SH2D4B: variants seen among roughly 807,000 people sequenced by gnomAD.
SH2D4B encodes SH2 domain containing 4B.
Under a neutral mutation model 61.5 loss-of-function variants are expected in SH2D4B, and 45 were observed. That is an observed-to-expected ratio of 0.73 (90% CI 0.58 to 0.94). The LOEUF (loss-of-function observed/expected upper bound fraction) is 0.94, where lower values mean the gene tolerates loss of function less well. SH2D4B is among the 40% of genes least tolerant of loss of function. The pLI, the probability that SH2D4B is intolerant of heterozygous loss-of-function variation, is 0.00. For missense variants in SH2D4B, 572 were observed against 574.2 expected, an observed-to-expected ratio of 1.00 and a Z score of 0.04; for synonymous variants, 224 against 220.4, an observed-to-expected ratio of 1.02 and a Z score of -0.14.
chr10:80,552,889 T>TTCTCTCTC (rs5786463), intron 1 of SH2D4B, among the ~76,000 whole-genome samples: 3 of 146,864 alleles, frequency 2.0e-5, no homozygotes, highest in African/African-American at 7.9e-5. Flanking sequence ...CTCTCTTTCT[T>TTCTCTCTC]TCTCTCTCTC....
chr10:80,629,153 T>C (rs1291830781), intron 6 of SH2D4B, among the ~76,000 whole-genome samples: 1 of 152,070 alleles, frequency 6.6e-6, no homozygotes, highest in Non-Finnish European at 1.5e-5. Context: ...TAGCATCTGC[T>C]CGGCTTCCAA....
chr10:80,614,961 C>A (rs1032218508), intron 6 of SH2D4B, among the ~76,000 whole-genome samples: 1 of 152,228 alleles, frequency 6.6e-6, no homozygotes, highest in Non-Finnish European at 1.5e-5. Flanking sequence ...TCCTGGGTAG[C>A]CCTCCTGGGA....
intron 3 of SH2D4B, 29 bp downstream of exon 3, chr10:80,571,607 C>T (rs1018217831): frequency 7.5e-6 from 12 of 1,610,112 alleles, no homozygotes; most frequent in African/African-American, 4.0e-5. Flanking sequence ...CCCCTGCGTG[C>T]GGCCACCTAA....
rs1242344830 is a variant in SH2D4B, at chr10:80,564,553, A to G, written c.185-5601A>G. Among the ~76,000 whole-genome samples the G allele has an allele frequency of 2.6e-5, 4 of 152,252 alleles. No individual in the cohort carries two copies. The East Asian group carries it at 7.7e-4, about 29-fold the overall frequency. On this transcript the variant is annotated intron_variant, in intron 1 of 7. Transcript: ENST00000646907. ...AGTATTGGAGTGTCTCTCCTGGGAC[A>G]ATGTCCTTGGGCATCTTCCGTTTTC...
intron 4 of SH2D4B, among the ~76,000 whole-genome samples, chr10:80,603,070 G>C (rs1227248459): frequency 6.6e-6 from 1 of 152,082 alleles, no homozygotes; most frequent in Non-Finnish European, 1.5e-5. Flanking sequence ...CCCTTAGTGA[G>C]ATAATGCAGG....
rs764850440 is a variant in SH2D4B at position 80,588,753 on chromosome 10, G to A, written c.619G>A (p.Glu207Lys). 1.2e-6 allele frequency: 2 copies of A among 1,614,102 alleles called. No individual in the cohort carries two copies. The highest frequency in any genetic ancestry group is 1.7e-5 in the Admixed American group (1 of 60,030). ...AQLHCQASEKEEREWEEQLRR... is the reference protein window; with the variant it reads ...AQLHCQASEKKEREWEEQLRR... ...GCTGCATTGCCAAGCCAGTGAGAAAGAGGAGCGAGAGTGGGAAGAACAGTG... is the reference window on the plus strand; with the variant it reads ...GCTGCATTGCCAAGCCAGTGAGAAAAAGGAGCGAGAGTGGGAAGAACAGTG... The change falls in exon 4 of 8, where the codon GAG becomes AAG. Residue 207 changes from glutamate to lysine, a missense_variant. Transcript: ENST00000646907.
intron 6 of SH2D4B, among the ~76,000 whole-genome samples, chr10:80,629,000 A>T (rs1316184761): frequency 1.3e-5 from 2 of 150,084 alleles, no homozygotes; most frequent in Non-Finnish European, 2.9e-5. Flanking sequence ...ACTGCACCCC[A>T]GCCTGGGTGA....
intron 3 of SH2D4B, among the ~76,000 whole-genome samples, chr10:80,577,294 G>T (rs766612763): frequency 2.0e-5 from 3 of 152,188 alleles, no homozygotes; most frequent in Non-Finnish European, 4.4e-5. Flanking sequence ...CCCAGTGAAT[G>T]ACCCCAACCA....
At chr10:80,582,040 A>T (rs1842190393) in intron 3 of SH2D4B, among the ~76,000 whole-genome samples, 1 of 152,256 alleles carries the variant, frequency 6.6e-6, no homozygotes, top group Non-Finnish European at 1.5e-5. Flanking sequence ...TGCTAAAAGT[A>T]GACAAAATTC....
In SH2D4B at chr10:80,569,902, G is replaced by A. The variant is rs142678951; in HGVS notation, c.185-252G>A. ...TTTTCACTGTACATTCTCTCTGCTG[G>A]AGATGGAAGGAGAGCTCAGTCTTGG... On this transcript the variant is annotated intron_variant, in intron 1 of 7. Transcript: ENST00000646907. 8.2e-3 allele frequency among the ~76,000 whole-genome samples: 1,246 copies of A among 152,288 alleles called. 15 individuals carry two copies. The highest frequency in any genetic ancestry group is 0.028 in the South Asian group (133 of 4,820).
rs547561753 is a variant in SH2D4B at position 80,549,936 on chromosome 10, T to C, written c.184+11421T>C. Among the ~76,000 whole-genome samples, 113 of 152,246 alleles carry C rather than the reference T, an allele frequency of 7.4e-4. 1 individual carries two copies. The highest frequency in any genetic ancestry group is 1.2e-3 in the Non-Finnish European group (85 of 68,012). ...GGGCATCCCCAGGGGTGAGGGTGGT[T>C]TCTGTGGCTGTGGAGAAAGATTAAT... is the stretch of plus-strand genomic sequence containing the variant. On this transcript the variant is annotated intron_variant, in intron 1 of 7. Transcript: ENST00000646907.
intron 1 of SH2D4B, among the ~76,000 whole-genome samples, chr10:80,554,865 C>T (rs1184009053): frequency 2.0e-5 from 3 of 151,974 alleles, no homozygotes; most frequent in Non-Finnish European, 2.9e-5. Flanking sequence ...AAAAATTAGC[C>T]GGGCGTAGTG....
At chr10:80,578,367 G>T (rs1000793393) in intron 3 of SH2D4B, among the ~76,000 whole-genome samples, 1 of 151,946 alleles carries the variant, frequency 6.6e-6, no homozygotes, top group African/African-American at 2.4e-5. Flanking sequence ...TGTTTGTTGT[G>T]GGGGAGGAGG....
At chr10:80,589,748 C>G (rs146496976) in intron 4 of SH2D4B, among the ~76,000 whole-genome samples, 1 of 152,228 alleles carries the variant, frequency 6.6e-6, no homozygotes, top group African/African-American at 2.4e-5. Flanking sequence ...TGAAGTGAGG[C>G]TTGCTGGTGA....
intron 6 of SH2D4B, among the ~76,000 whole-genome samples, chr10:80,619,146 G>T (rs370514154): frequency 2.0e-5 from 3 of 152,296 alleles, no homozygotes; most frequent in South Asian, 4.1e-4. Flanking sequence ...TCAGGGTGTA[G>T]TAACAGAGGA....
Position 80,644,120 on chromosome 10 carries a change from C to T in SH2D4B, c.*35C>T, listed in dbSNP as rs1361035946. The T allele has an allele frequency of 6.4e-7, 1 of 1,563,244 alleles. No homozygotes were observed. The highest frequency in any genetic ancestry group is 8.8e-7 in the Non-Finnish European group (1 of 1,135,554). On this transcript the variant is annotated 3_prime_UTR_variant, in exon 8 of 8. Coordinates refer to ENST00000646907, the MANE Select transcript of SH2D4B (RefSeq NM_001388272.1). ...TTATCAATTGGATTCATTTTGGTAT[C>T]CTGTTTTTGAACTCAGCTTAAGAAC...
chr10:80,586,240 C>A (rs1481715135), intron 3 of SH2D4B, among the ~76,000 whole-genome samples: 1 of 152,180 alleles, frequency 6.6e-6, no homozygotes, highest in Non-Finnish European at 1.5e-5. Context: ...ATCAACCACC[C>A]AAGAGCTGAG....
intron 6 of SH2D4B, among the ~76,000 whole-genome samples, chr10:80,610,987 A>G (rs987130573): frequency 3.9e-5 from 6 of 151,964 alleles, no homozygotes; most frequent in Non-Finnish European, 8.8e-5. Context: ...CCTGGCCAAC[A>G]TGATGAAAGC....
chr10:80,629,256 G>A (rs181928065), intron 6 of SH2D4B, among the ~76,000 whole-genome samples: 2 of 151,848 alleles, frequency 1.3e-5, no homozygotes, highest in East Asian at 3.9e-4. Flanking sequence ...GAGAGAGTGA[G>A]GGGGAAGATC....
Sources: gnomAD v4.1 joint callset for allele counts (sites outside exome capture counted in the v4.1 genomes callset) on GRCh38, gnomAD v4.1.1 for gene constraint, MANE v1.5 for transcripts, NCBI Gene and HGNC (gene_info 2026-07-23, HGNC 2026-07-21) for gene names.